The following TNS3 variants were observed in gnomAD, a reference collection of about 807,000 sequenced individuals.
The protein encoded by TNS3 is tensin-3.
TNS3 carries 45 observed loss-of-function variants against 140.9 expected under a neutral mutation model. The ratio of observed to expected loss-of-function variants is 0.32; its 90% confidence interval spans 0.25 to 0.41. The LOEUF (loss-of-function observed/expected upper bound fraction) is 0.41, where lower values mean the gene tolerates loss of function less well. Ranked by LOEUF, TNS3 falls within the 10% of genes least tolerant of loss-of-function variation. The pLI, the probability that TNS3 is intolerant of heterozygous loss-of-function variation, is 1.00. For synonymous variants in TNS3, 815 were observed against 788.4 expected, an observed-to-expected ratio of 1.03 and a Z score of -0.56; for missense variants, 1,716 against 1,906.7, an observed-to-expected ratio of 0.90 and a Z score of 1.86.
chr7:47,448,025 G>T (rs1795836817), intron 4 of TNS3, among the ~76,000 whole-genome samples: 1 of 152,198 alleles, frequency 6.6e-6, no homozygotes, highest in Non-Finnish European at 1.5e-5. Context: ...TGGGGGCCCT[G>T]GCAGAAGGAG....
intron 3 of TNS3, among the ~76,000 whole-genome samples, chr7:47,488,434 G>C (rs1797689304): frequency 6.6e-6 from 1 of 152,180 alleles, no homozygotes; most frequent in African/African-American, 2.4e-5. Flanking sequence ...CTGAGATGAA[G>C]ATGTGGGCAG....
At chr7:47,556,889 T>C (rs1224169856) in intron 1 of TNS3, 1 of 378,952 alleles carries the variant, frequency 2.6e-6, no homozygotes, top group Non-Finnish European at 5.3e-6. Context: ...CACCTGGCGA[T>C]TCTCAATGCA....
intron 18 of TNS3, 58 bp from the exon 19 acceptor site, chr7:47,345,096 A>G (rs1789255638): frequency 4.2e-6 from 6 of 1,418,910 alleles, no homozygotes; most frequent in Non-Finnish European, 5.9e-6. Context: ...AGGCCCCTCC[A>G]AACAGTTGTG....
rs1584787708 is a variant in TNS3, at chr7:47,506,920, T to C, written c.-128A>G. ...CGGAATGCTTACCTTGGCTTCACAT[T>C]TCTTGTGGCAGGAATACTTGCAGGC... On this transcript the variant is annotated 5_prime_UTR_variant, in exon 3 of 31. Coordinates refer to ENST00000311160, the MANE Select transcript of TNS3 (RefSeq NM_022748.12). 7.8e-7 allele frequency: 1 copy of C among 1,289,656 alleles called. No homozygotes were observed. Among genetic ancestry groups the C allele is most frequent in the East Asian group, 5.6e-5 (1 of 18,010 alleles). The allele number at this position is 1,289,656 out of a possible 1,614,324, so 79.9% of individuals were successfully genotyped here. A position where few individuals can be genotyped will look rare whatever the true frequency, so the allele number is the denominator to read the frequency against.
intron 1 of TNS3, among the ~76,000 whole-genome samples, chr7:47,558,622 C>T (rs182047246): frequency 1.3e-5 from 2 of 152,220 alleles, no homozygotes; most frequent in African/African-American, 2.4e-5. Context: ...CCTGTTTCGT[C>T]GATGGAAAAA....
At chr7:47,569,825 G>C (rs1379158548) in intron 1 of TNS3, among the ~76,000 whole-genome samples, 1 of 151,654 alleles carries the variant, frequency 6.6e-6, no homozygotes. Context: ...CTGCACTCCA[G>C]CCTGGGTGAC....
intron 9 of TNS3, among the ~76,000 whole-genome samples, chr7:47,425,966 T>C (rs140009851): frequency 1.3e-5 from 2 of 152,010 alleles, no homozygotes; most frequent in East Asian, 3.9e-4. Context: ...TGTATAAGAA[T>C]GTGTTCATCA....
In TNS3 at chr7:47,291,947, T is replaced by G; in HGVS notation, c.3928+8A>C. ...ACCAGATGTAGAAATGGAGCTGCAT[T>G]TACTGACCTGCCCCCTGCTTCAACA... On this transcript the variant is annotated splice_region_variant and intron_variant, in intron 27 of 30. Transcript: ENST00000311160. 1 of 1,613,964 alleles carries G rather than the reference T, an allele frequency of 6.2e-7. No homozygotes were observed. Among genetic ancestry groups the G allele is most frequent in the Middle Eastern group, 1.6e-4 (1 of 6,062 alleles).
chr7:47,535,919 A>G lies in TNS3; in HGVS notation c.-264-6772T>C, dbSNP rs187091552. 2.7e-3 allele frequency among the ~76,000 whole-genome samples: 417 copies of G among 152,380 alleles called. 3 individuals carry two copies. In the Middle Eastern group the frequency reaches 0.037, roughly 14 times the overall value. ...TTCCTTTCAGGAAATATTCAGCTCC[A>G]CCATAGTAAGAGGATTTAGGTAGGC... On this transcript the variant is annotated intron_variant, in intron 1 of 30. Coordinates refer to ENST00000311160, the MANE Select transcript of TNS3 (RefSeq NM_022748.12).
chr7:47,396,940 G>A (rs775515576), intron 15 of TNS3, 36 bp from the exon 16 acceptor site: 26 of 1,518,692 alleles, frequency 1.7e-5, no homozygotes, highest in Non-Finnish European at 2.4e-5. Flanking sequence ...TAGTCCCAGT[G>A]AAACCCATCA....
chr7:47,371,001 G>A (rs986808055), intron 16 of TNS3, among the ~76,000 whole-genome samples: 3 of 152,176 alleles, frequency 2.0e-5, no homozygotes, highest in Admixed American at 6.5e-5. Context: ...CTGAAAACGC[G>A]CCCACGCCAG....
chr7:47,313,887 G>A (rs1231216770), intron 20 of TNS3, among the ~76,000 whole-genome samples: 3 of 152,150 alleles, frequency 2.0e-5, no homozygotes, highest in Non-Finnish European at 1.5e-5. Flanking sequence ...ACCAACTCTG[G>A]GGCACTCTGG....
At chr7:47,548,259 C>G (rs1267575842) in intron 1 of TNS3, among the ~76,000 whole-genome samples, 1 of 152,194 alleles carries the variant, frequency 6.6e-6, no homozygotes, top group Non-Finnish European at 1.5e-5. Context: ...CAGTGGCATA[C>G]AGCCTGCTGT....
At chr7:47,395,173 T>G (rs1356401573) in intron 16 of TNS3, among the ~76,000 whole-genome samples, 2 of 152,172 alleles carry the variant, frequency 1.3e-5, no homozygotes, top group Non-Finnish European at 2.9e-5. Context: ...CTCCCTGTTC[T>G]CCATGAGACT....
At chr7:47,446,340 C>A (rs946814579) in intron 4 of TNS3, among the ~76,000 whole-genome samples, 1 of 152,154 alleles carries the variant, frequency 6.6e-6, no homozygotes, top group African/African-American at 2.4e-5. Context: ...AAGAGAGCTG[C>A]CTGCTCACGT....
intron 4 of TNS3, among the ~76,000 whole-genome samples, chr7:47,475,533 CG>C (rs5884004): frequency 0.93 from 140,180 of 151,234 alleles, 65,688 homozygotes; most frequent in Non-Finnish European, 0.99. Context: ...GGCACTTCCC[CG>C]GGGGGGGGGC....
intron 27 of TNS3, among the ~76,000 whole-genome samples, chr7:47,285,124 G>C (rs1785347246): frequency 6.6e-6 from 1 of 152,232 alleles, no homozygotes; most frequent in Non-Finnish European, 1.5e-5. Context: ...AGGGTGCATT[G>C]ACACACAAGC....
chr7:47,297,478 T>C (rs1008732519), intron 23 of TNS3, among the ~76,000 whole-genome samples: 7 of 152,138 alleles, frequency 4.6e-5, no homozygotes, highest in Non-Finnish European at 7.4e-5. Context: ...TCCCTCTCTT[T>C]AGCTAGACTG....
In TNS3 at chr7:47,368,349, T is replaced by C; in HGVS notation, c.2281+16A>G. The C allele has an allele frequency of 3.4e-6, 5 of 1,472,218 alleles. No homozygotes were observed. Among genetic ancestry groups the C allele is most frequent in the Non-Finnish European group, 3.6e-6 (4 of 1,112,564 alleles). 91.2% of individuals were successfully genotyped at this position (1,472,218 alleles called of 1,614,324 possible). A position where few individuals can be genotyped will look rare whatever the true frequency, so the allele number is the denominator to read the frequency against. On this transcript the variant is annotated intron_variant, in intron 17 of 30. Transcript: ENST00000311160. ...AGCACCTCCCGTGGAGCACCTCCCA[T>C]GGAGACCCAGCTCACCTTGCCGCCC... is the stretch of plus-strand genomic sequence containing the variant.
Sources: allele counts gnomAD v4.1 joint callset (sites outside exome capture counted in the v4.1 genomes callset), GRCh38; gene constraint gnomAD v4.1.1; transcripts MANE v1.5; gene names NCBI Gene and HGNC (gene_info 2026-07-23, HGNC 2026-07-21).